Variants in CFAP20DC observed in about 807,000 individuals in gnomAD.
CFAP20DC encodes protein CFAP20DC.
CFAP20DC carries 84 observed loss-of-function variants against 101.7 expected under a neutral mutation model. The ratio of observed to expected loss-of-function variants is 0.83; its 90% CI spans 0.69 to 0.99. CFAP20DC has a LOEUF of 0.99. CFAP20DC is among the 50% of genes least tolerant of loss of function. The probability of loss-of-function intolerance (pLI) is 0.00; values close to 1 mark genes in which losing one functional copy is unlikely to be tolerated. For synonymous variants in CFAP20DC, 359 were observed against 351.2 expected (o/e 1.02, Z -0.25); for missense variants, 1,007 against 970.3 (o/e 1.04, Z -0.50).
In CFAP20DC at chr3:58,913,871, T is replaced by C. The variant is rs779621135; in HGVS notation, c.394-7A>G. 11 of 1,613,042 alleles carry C rather than the reference T, an allele frequency of 6.8e-6. No individual in the cohort carries two copies. In the African/African-American group the frequency reaches 1.5e-4, roughly 22 times the overall value. ...CAATGCATAGATTGCACCACTAAAA[T>C]AGAGAGATGCAAAGAAGAGTAAGGA... On this transcript the variant is annotated splice_polypyrimidine_tract_variant and splice_region_variant and intron_variant, in intron 5 of 16. Coordinates refer to ENST00000482387, the MANE Select transcript of CFAP20DC (RefSeq NM_001394063.1). This position sits in a 1 kb window ranked among gnomAD's most constrained non-coding sequence, Gnocchi z 4.4.
At chr3:58,973,474 T>C (rs1652097549) in intron 4 of CFAP20DC, among the ~76,000 whole-genome samples, 1 of 152,210 alleles carries the variant, frequency 6.6e-6, no homozygotes, top group Admixed American at 6.6e-5. Flanking sequence ...CTTCCATTCT[T>C]ACTCCTCTAG....
chr3:59,044,616 G>A (rs1560044586), intron 3 of CFAP20DC, among the ~76,000 whole-genome samples: 1 of 151,938 alleles, frequency 6.6e-6, no homozygotes, highest in Non-Finnish European at 1.5e-5. Flanking sequence ...AGCAGAGCTT[G>A]TATTTAATCA....
At chr3:58,850,875 A>G (rs867003407) in intron 12 of CFAP20DC, among the ~76,000 whole-genome samples, 1 of 152,042 alleles carries the variant, frequency 6.6e-6, no homozygotes, top group Non-Finnish European at 1.5e-5. Flanking sequence ...GAACTGTTCA[A>G]TTTCTTCCTG....
intron 3 of CFAP20DC, among the ~76,000 whole-genome samples, chr3:58,736,662 C>G (rs1456764434): frequency 6.6e-6 from 1 of 152,176 alleles, no homozygotes; most frequent in Non-Finnish European, 1.5e-5. Flanking sequence ...TTCTCCTGAT[C>G]CACCTGTTAA....
chr3:58,902,524 A>C (rs1055044945), intron 6 of CFAP20DC, among the ~76,000 whole-genome samples: 8 of 152,180 alleles, frequency 5.3e-5, no homozygotes, highest in African/African-American at 1.9e-4. Context: ...CTAATGGCTA[A>C]TGATATTGAA....
chr3:58,916,131 T>A (rs1272882129), intron 5 of CFAP20DC, among the ~76,000 whole-genome samples: 1 of 152,190 alleles, frequency 6.6e-6, no homozygotes, highest in Non-Finnish European at 1.5e-5. Context: ...AGTTAACCAT[T>A]GTTTTTTAAT....
Position 58,913,659 on chromosome 3 carries a change from T to A in CFAP20DC, c.550+49A>T. The A allele has an allele frequency of 6.3e-7, 1 of 1,589,720 alleles. No individual in the cohort carries two copies. Among genetic ancestry groups the A allele is most frequent in the South Asian group, 1.1e-5 (1 of 90,560 alleles). On this transcript the variant is annotated intron_variant, in intron 6 of 16. Transcript: ENST00000482387. This position sits in a 1 kb window ranked among gnomAD's most constrained non-coding sequence, Gnocchi z 4.4. ...ACTATCCCAAAGGTATGGCTAATTT[T>A]AAAAATACATCAGAGAATTAAAAAA...
intron 4 of CFAP20DC, among the ~76,000 whole-genome samples, chr3:59,033,672 A>G (rs1030324037): frequency 6.6e-6 from 1 of 152,198 alleles, no homozygotes; most frequent in African/African-American, 2.4e-5. Flanking sequence ...AAATGAACGA[A>G]AAGAGCCTCC....
chr3:58,986,426 G>A (rs565431416), intron 4 of CFAP20DC, among the ~76,000 whole-genome samples: 2 of 152,084 alleles, frequency 1.3e-5, no homozygotes, highest in South Asian at 2.1e-4. Context: ...AAATAAGGTG[G>A]GAAGCTAGAA....
rs893473820 is a variant in CFAP20DC, at chr3:59,007,842, T to G, written c.278+31715A>C. Among the ~76,000 whole-genome samples, 4 of 152,182 alleles carry G rather than the reference T, an allele frequency of 2.6e-5. No individual in the cohort carries two copies. Among genetic ancestry groups the G allele is most frequent in the Admixed American group, 2.6e-4 (4 of 15,284 alleles). ...AGAGCACCCTATCAAGGAAAAACCC[T>G]GTGGGACAAAAAACTCTGAACAGCA... On this transcript the variant is annotated intron_variant, in intron 4 of 16. Transcript: ENST00000482387. The surrounding 1 kb of genome is among the most constrained non-coding windows in gnomAD (Gnocchi z 4.4).
chr3:58,953,788 G>A (rs1461059644), intron 4 of CFAP20DC: 2 of 152,096 alleles, frequency 1.3e-5, no homozygotes, highest in Non-Finnish European at 2.9e-5. Flanking sequence ...TTGTAATACA[G>A]GCTTGATTTT....
Position 59,007,170 on chromosome 3 carries a change from A to G in CFAP20DC, c.278+32387T>C, listed in dbSNP as rs2093456128. On this transcript the variant is annotated intron_variant, in intron 4 of 16. Transcript: ENST00000482387. The surrounding 1 kb of genome is among the most constrained non-coding windows in gnomAD (Gnocchi z 4.4). ...CCTGAGAACCACCCCCAACTCCCCA[A>G]CAGTGGCTGTGGCAAGCCCCGCCCC... Among the ~76,000 whole-genome samples the G allele has an allele frequency of 6.6e-6, 1 of 152,076 alleles. No homozygotes were observed. The highest frequency in any genetic ancestry group is 1.5e-5 in the Non-Finnish European group (1 of 68,008).
chr3:58,808,148 T>C (rs1044898757), intron 14 of CFAP20DC, among the ~76,000 whole-genome samples: 4 of 152,176 alleles, frequency 2.6e-5, no homozygotes, highest in Admixed American at 1.3e-4. Context: ...CTGCAAGATA[T>C]TATCCAGGAG....
intron 4 of CFAP20DC, among the ~76,000 whole-genome samples, chr3:59,036,546 T>C (rs2094107374): frequency 6.6e-6 from 1 of 152,026 alleles, no homozygotes; most frequent in African/African-American, 2.4e-5. Flanking sequence ...CATTCACAAG[T>C]GCTACAAAGA....
intron 3 of CFAP20DC, among the ~76,000 whole-genome samples, chr3:58,723,168 T>G (rs1453575422): frequency 2.0e-5 from 3 of 152,268 alleles, no homozygotes; most frequent in Non-Finnish European, 4.4e-5. Flanking sequence ...CCAAGTGTTA[T>G]TTTGCACTTC....
At chr3:58,743,847 G>A (rs1367041061) in intron 16 of CFAP20DC, among the ~76,000 whole-genome samples, 2 of 152,174 alleles carry the variant, frequency 1.3e-5, no homozygotes, top group Non-Finnish European at 2.9e-5. Context: ...ACATGGTGAA[G>A]TGGGGGTTTA....
chr3:58,759,370 C>T (rs192673052), intron 15 of CFAP20DC, among the ~76,000 whole-genome samples: 4,183 of 152,256 alleles, frequency 0.027, 194 homozygotes, highest in African/African-American at 0.093. Flanking sequence ...CCTTCACCCA[C>T]TTGTTGATGG....
chr3:58,899,974 T>G lies in CFAP20DC; in HGVS notation c.550+13734A>C, dbSNP rs374908607. On this transcript the variant is annotated intron_variant, in intron 6 of 16. Coordinates refer to ENST00000482387, the MANE Select transcript of CFAP20DC (RefSeq NM_001394063.1). This position sits in a 1 kb window ranked among gnomAD's most constrained non-coding sequence, Gnocchi z 5.0. ...TTAATTAAAATTTTGCTAAGTACTC[T>G]GAGGGAAAAGTTCAAGGTGAAGAAA... 2.0e-4 allele frequency among the ~76,000 whole-genome samples: 31 copies of G among 152,246 alleles called. 1 individual carries two copies. In the South Asian group the frequency reaches 5.6e-3, roughly 27 times the overall value.
intron 3 of CFAP20DC, chr3:58,727,334 G>C (rs945820194): frequency 1.3e-5 from 2 of 152,424 alleles, no homozygotes; most frequent in African/African-American, 4.8e-5. Flanking sequence ...TTCTAGTTCA[G>C]GCTCCTGATT....
Sources: gnomAD v4.1 joint callset for allele counts (sites outside exome capture counted in the v4.1 genomes callset) on GRCh38, gnomAD v4.1.1 for gene constraint, Gnocchi (gnomAD v3.1) non-coding constraint, MANE v1.5 for transcripts, NCBI Gene and HGNC (gene_info 2026-07-23, HGNC 2026-07-21) for gene names.